Variants in TNRC6B observed in about 807,000 individuals in gnomAD.
The protein encoded by TNRC6B is trinucleotide repeat-containing gene 6B protein.
TNRC6B carries 52 observed loss-of-function variants against 203.6 expected under a neutral mutation model. The observed-to-expected ratio is 0.26, with a 90% CI of 0.20 to 0.32. The LOEUF (loss-of-function observed/expected upper bound fraction) is 0.32. TNRC6B is among the 10% of genes least tolerant of loss of function. The pLI is 1.00. For missense variants in TNRC6B, 1,923 were observed against 2,286.2 expected, an observed-to-expected ratio of 0.84 and a Z score of 3.24; for synonymous variants, 838 against 845.7, an observed-to-expected ratio of 0.99 and a Z score of 0.16.
intron 12 of TNRC6B, among the ~76,000 whole-genome samples, chr22:40,295,092 G>A (rs912028537): frequency 6.6e-6 from 1 of 152,192 alleles, no homozygotes; most frequent in Admixed American, 6.5e-5. Flanking sequence ...TGGGTGGAGT[G>A]AAAGTGACAG....
intron 8 of TNRC6B, among the ~76,000 whole-genome samples, chr22:40,277,554 A>C (rs149836290): frequency 9.2e-5 from 14 of 152,238 alleles, no homozygotes; most frequent in Non-Finnish European, 2.1e-4. Context: ...TGATTTCTTT[A>C]TCTCTCGGCA....
At chr22:40,172,562 A>G (rs1415325099) in intron 4 of TNRC6B, among the ~76,000 whole-genome samples, 2 of 152,194 alleles carry the variant, frequency 1.3e-5, no homozygotes, top group Non-Finnish European at 2.9e-5. Context: ...AAAACTACTC[A>G]GTTCTGTCTG....
rs909933968 is a variant in TNRC6B at position 40,324,617 on chromosome 22, C to G, written c.*1376C>G. On this transcript the variant is annotated 3_prime_UTR_variant, in exon 23 of 23. Transcript: ENST00000454349. ...CTTTCTCGCCGAGCGTTACCTGTGCCAGGCCGTGGCGCGTTACAGCACCAG... is the reference window on the plus strand; with the variant it reads ...CTTTCTCGCCGAGCGTTACCTGTGCGAGGCCGTGGCGCGTTACAGCACCAG... 1.3e-5 allele frequency: 2 copies of G among 152,678 alleles called. No homozygotes were observed. Among genetic ancestry groups the G allele is most frequent in the African/African-American group, 2.4e-5 (1 of 41,456 alleles). The allele number at this position is 152,678 out of a possible 1,614,324, so 9.5% of individuals were successfully genotyped here. A position where few individuals can be genotyped will look rare whatever the true frequency, so the allele number is the denominator to read the frequency against.
intron 12 of TNRC6B, 41 bp downstream of exon 12, chr22:40,285,811 A>G (rs764411330): frequency 6.2e-7 from 1 of 1,608,026 alleles, no homozygotes; most frequent in Non-Finnish European, 8.5e-7. Flanking sequence ...ATGAAAGACC[A>G]TTTCACATCA....
At chr22:40,320,849 C>T (rs1208735865) in intron 21 of TNRC6B, among the ~76,000 whole-genome samples, 1 of 152,174 alleles carries the variant, frequency 6.6e-6, no homozygotes, top group Non-Finnish European at 1.5e-5. Context: ...TGTTAACTTA[C>T]ATTCTTACAT....
At chr22:40,111,601 T>A (rs2068335527) in intron 1 of TNRC6B, among the ~76,000 whole-genome samples, 1 of 152,166 alleles carries the variant, frequency 6.6e-6, no homozygotes, top group African/African-American at 2.4e-5. Context: ...GTTCACAGAC[T>A]TCTGATTTGA....
intron 3 of TNRC6B, among the ~76,000 whole-genome samples, chr22:40,131,172 A>G (rs1379356843): frequency 6.6e-6 from 1 of 152,034 alleles, no homozygotes; most frequent in Non-Finnish European, 1.5e-5. Flanking sequence ...CGCCCGCCTC[A>G]GCCTCCCAAA....
At chr22:40,314,836 A>G (rs1269960603) in intron 19 of TNRC6B, among the ~76,000 whole-genome samples, 1 of 152,212 alleles carries the variant, frequency 6.6e-6, no homozygotes, top group Non-Finnish European at 1.5e-5. Context: ...TCAATATCTA[A>G]TAGACTGGAT....
At chr22:40,144,823 C>G (rs1462270147) in intron 3 of TNRC6B, among the ~76,000 whole-genome samples, 2 of 124,822 alleles carry the variant, frequency 1.6e-5, no homozygotes, top group Non-Finnish European at 3.2e-5. Flanking sequence ...CATGTCAATC[C>G]CATTTATAGT....
Position 40,265,195 on chromosome 22 carries a change from A to G in TNRC6B, c.965A>G (p.Lys322Arg). 1 of 1,614,040 alleles carries G rather than the reference A, an allele frequency of 6.2e-7. No homozygotes were observed. The highest frequency in any genetic ancestry group is 8.5e-7 in the Non-Finnish European group (1 of 1,179,892). ...PALVQEGTSR[K>R]GALETDNSNS... The stretch of plus-strand genomic sequence containing the variant: ...CTGGTCCAAGAAGGAACTTCTAGGA[A>G]AGGGGCATTGGAAACAGATAATAGT... The change falls in exon 5 of 23, where the codon AAA becomes AGA. Residue 322 changes from lysine (K) to arginine (R), a missense_variant. Around this residue, in one of 8 missense-constraint regions of TNRC6B, gnomAD observed 614 missense variants for 587.7 expected, o/e 1.04. Transcript: ENST00000454349.
intron 1 of TNRC6B, among the ~76,000 whole-genome samples, chr22:40,196,076 C>CT (rs11301805): frequency 1.1e-4 from 16 of 148,220 alleles, no homozygotes; most frequent in East Asian, 5.9e-4. Flanking sequence ...CGCGTCCAGC[C>CT]TTTTTTTTTT....
intron 11 of TNRC6B, among the ~76,000 whole-genome samples, chr22:40,282,990 A>G (rs2070736856): frequency 1.3e-5 from 2 of 152,012 alleles, no homozygotes; most frequent in African/African-American, 4.8e-5. Context: ...CACATATACA[A>G]GTGCCTTTTT....
chr22:40,295,095 A>G (rs1473701023), intron 12 of TNRC6B, among the ~76,000 whole-genome samples: 1 of 152,204 alleles, frequency 6.6e-6, no homozygotes, highest in East Asian at 1.9e-4. Flanking sequence ...GTGGAGTGAA[A>G]GTGACAGATC....
intron 7 of TNRC6B, among the ~76,000 whole-genome samples, chr22:40,274,213 A>G (rs571442825): frequency 1.1e-4 from 16 of 152,246 alleles, no homozygotes; most frequent in African/African-American, 3.6e-4. Context: ...ATGCTTTTGC[A>G]TTCTAAAGCC....
chr22:40,066,169 T>C (rs997667939), intron 1 of TNRC6B, among the ~76,000 whole-genome samples: 2 of 152,144 alleles, frequency 1.3e-5, no homozygotes, highest in African/African-American at 4.8e-5. Context: ...TGGGAAACTT[T>C]CCCTAGGCAG....
rs565563797 is a variant in TNRC6B, at chr22:40,102,850, C to T, written c.-120-14205C>T. Among the ~76,000 whole-genome samples the T allele has an allele frequency of 3.7e-3, 564 of 151,844 alleles. 4 individuals carry two copies. The highest frequency in any genetic ancestry group is 5.4e-3 in the Non-Finnish European group (369 of 67,946). On this transcript the variant is annotated intron_variant, in intron 1 of 23. Coordinates refer to the TNRC6B transcript ENST00000301923. ...TCCCAGCACTTTGGGAGGCTGAGGCCGGTGGATCACGAGGTCAGGAGACGG... is the reference window on the plus strand; with the variant it reads ...TCCCAGCACTTTGGGAGGCTGAGGCTGGTGGATCACGAGGTCAGGAGACGG...
upstream of TNRC6B, among the ~76,000 whole-genome samples, chr22:40,175,228 G>A (rs929606186): frequency 6.6e-6 from 1 of 151,576 alleles, no homozygotes; most frequent in Non-Finnish European, 1.5e-5. Flanking sequence ...ATGGTGGCAT[G>A]TGTCTGTAAT....
At chr22:40,290,715 C>T (rs1211050027) in intron 12 of TNRC6B, among the ~76,000 whole-genome samples, 5 of 152,200 alleles carry the variant, frequency 3.3e-5, no homozygotes, top group Middle Eastern at 6.8e-3. Context: ...CTCTGCCCCG[C>T]GCCTAGGAGT....
rs145384968 is a variant in TNRC6B at position 40,319,661 on chromosome 22, T to C, written c.4975-1429T>C. 2.6e-3 allele frequency among the ~76,000 whole-genome samples: 395 copies of C among 152,274 alleles called. 15 individuals are homozygous for C. In the East Asian group the frequency reaches 0.058, roughly 22 times the overall value. The stretch of plus-strand genomic sequence containing the variant: ...GGATGGTCTTGATCTCCTGACCTCG[T>C]GATCTGCCCACCTCAGTCTTCCAAA... On this transcript the variant is annotated intron_variant, in intron 21 of 22. Coordinates refer to ENST00000454349, the MANE Select transcript of TNRC6B (RefSeq NM_001162501.2).
Sources: gnomAD v4.1 joint callset for allele counts (sites outside exome capture counted in the v4.1 genomes callset) on GRCh38, gnomAD v4.1.1 for gene constraint, gnomAD v4.1.1 regional missense constraint, MANE v1.5 for transcripts, NCBI Gene and HGNC (gene_info 2026-07-23, HGNC 2026-07-21) for gene names.